The following TENM4 variants were observed in gnomAD, a reference collection of about 807,000 sequenced individuals.
TENM4 encodes the protein teneurin transmembrane protein 4, also known as teneurin-4.
TENM4 carries 82 observed loss-of-function variants against 243.3 expected under a neutral mutation model. The ratio of observed to expected loss-of-function variants is 0.34; its 90% CI spans 0.28 to 0.40. The LOEUF (loss-of-function observed/expected upper bound fraction) is 0.40, where lower values mean the gene tolerates loss of function less well. Among genes scored for constraint, TENM4 ranks in the 10% least tolerant of loss-of-function variants. The pLI is 1.00. For missense variants in TENM4, 3,138 were observed against 3,673.3 expected (o/e 0.85, Z 3.77); for synonymous variants, 1,412 against 1,456.3 (o/e 0.97, Z 0.69).
At chr11:79,292,693 A>C (rs565905714) in intron 2 of TENM4, among the ~76,000 whole-genome samples, 60 of 152,186 alleles carry the variant, frequency 3.9e-4, no homozygotes, top group Non-Finnish European at 7.5e-4. Context: ...ATTAAGCACC[A>C]AGCTTTCATG....
At chr11:78,715,545 T>G (rs1044691616) in intron 25 of TENM4, among the ~76,000 whole-genome samples, 5 of 152,108 alleles carry the variant, frequency 3.3e-5, no homozygotes, top group African/African-American at 1.2e-4. Flanking sequence ...GGCAGGATTA[T>G]CCCAGAGTCC....
At chr11:79,376,859 G>GCC (rs1857902624) in intron 1 of TENM4, among the ~76,000 whole-genome samples, 1 of 152,164 alleles carries the variant, frequency 6.6e-6, no homozygotes, top group Non-Finnish European at 1.5e-5. Flanking sequence ...TCTCTATGCA[G>GCC]CCCCTAGTGC....
chr11:79,259,394 G>GA (rs1325113861), intron 2 of TENM4, among the ~76,000 whole-genome samples: 1 of 151,950 alleles, frequency 6.6e-6, no homozygotes, highest in Non-Finnish European at 1.5e-5. Context: ...ATACATCAAT[G>GA]AAAAAAATAT....
At chr11:79,374,593 T>C (rs1857853921) in intron 1 of TENM4, among the ~76,000 whole-genome samples, 1 of 151,920 alleles carries the variant, frequency 6.6e-6, no homozygotes, top group Admixed American at 6.6e-5. Flanking sequence ...CCTTGGATTA[T>C]ATCCTGAAGA....
At chr11:79,306,942 C>T (rs1489320965) in intron 1 of TENM4, among the ~76,000 whole-genome samples, 3 of 152,170 alleles carry the variant, frequency 2.0e-5, no homozygotes, top group African/African-American at 7.2e-5. Context: ...CTGCCATAGT[C>T]GTGGACTCCA....
intron 3 of TENM4, among the ~76,000 whole-genome samples, chr11:79,166,688 T>C (rs763459778): frequency 6.6e-6 from 1 of 152,198 alleles, no homozygotes; most frequent in East Asian, 1.9e-4. Flanking sequence ...CTGCATTCAG[T>C]CGGTCTAGCT....
intron 16 of TENM4, among the ~76,000 whole-genome samples, chr11:78,782,314 T>A (rs535992970): frequency 9.3e-4 from 141 of 151,492 alleles, no homozygotes; most frequent in African/African-American, 3.1e-3. Flanking sequence ...ATACAAAAAT[T>A]AGGCCAGGCG....
chr11:78,997,518 A>G (rs1858205702), intron 6 of TENM4, among the ~76,000 whole-genome samples: 1 of 152,216 alleles, frequency 6.6e-6, no homozygotes, highest in South Asian at 2.1e-4. Context: ...AGCTACCCAC[A>G]TGCAAAGCAC....
chr11:79,395,314 C>T (rs1858320328), intron 1 of TENM4, among the ~76,000 whole-genome samples: 1 of 152,204 alleles, frequency 6.6e-6, no homozygotes, highest in Admixed American at 6.5e-5. Flanking sequence ...AAAATTGACA[C>T]ATCAGGTGAT....
chr11:79,309,458 C>T (rs1856682511), intron 1 of TENM4, among the ~76,000 whole-genome samples: 1 of 152,220 alleles, frequency 6.6e-6, no homozygotes, highest in African/African-American at 2.4e-5. Context: ...GTTAGCTACA[C>T]ATTTGTGCTC....
intron 4 of TENM4, among the ~76,000 whole-genome samples, chr11:79,129,191 G>A (rs1861945486): frequency 6.6e-6 from 1 of 152,196 alleles, no homozygotes; most frequent in African/African-American, 2.4e-5. Flanking sequence ...TACAGGGGTA[G>A]AGGAAGCAGC....
At chr11:79,238,793 G>A (rs1864530947) in intron 2 of TENM4, among the ~76,000 whole-genome samples, 3 of 152,170 alleles carry the variant, frequency 2.0e-5, no homozygotes, top group Non-Finnish European at 4.4e-5. Context: ...GTGACGCTGA[G>A]GTGGGTGGAT....
intron 2 of TENM4, among the ~76,000 whole-genome samples, chr11:79,296,386 C>T (rs1017463152): frequency 7.9e-5 from 12 of 152,220 alleles, no homozygotes; most frequent in African/African-American, 2.9e-4. Context: ...AAATCCCAGC[C>T]ACTTGGTAGA....
At chr11:79,007,295 G>C (rs1197630600) in intron 6 of TENM4, among the ~76,000 whole-genome samples, 1 of 152,140 alleles carries the variant, frequency 6.6e-6, no homozygotes, top group Admixed American at 6.5e-5. Flanking sequence ...TAGAAAGAGT[G>C]GGGGCTGGAG....
Position 79,318,604 on chromosome 11 carries a change from T to C in TENM4, c.-320-21061A>G, listed in dbSNP as rs190546059. Among the ~76,000 whole-genome samples, 361 of 152,316 alleles carry C rather than the reference T, an allele frequency of 2.4e-3. 3 individuals carry two copies. The highest frequency in any genetic ancestry group is 0.02 in the Middle Eastern group (6 of 294). On this transcript the variant is annotated intron_variant, in intron 1 of 33. Transcript: ENST00000278550. ...AAGAGATGAGTGATAACAGCCATCA[T>C]ATAGCATTTCCACCTATTTACCTGT...
chr11:79,441,025 A>T lies in TENM4; in HGVS notation c.-837T>A, dbSNP rs946134392. 10 of 153,098 alleles carry T rather than the reference A, an allele frequency of 6.5e-5. No homozygotes were observed. The highest frequency in any genetic ancestry group is 3.3e-4 in the Admixed American group (5 of 15,270). 9.5% of individuals were successfully genotyped at this position (153,098 alleles called of 1,614,324 possible). On this transcript the variant is annotated 5_prime_UTR_variant, in exon 1 of 34. The change abolishes an upstream ATG in the 5' untranslated region. Transcript: ENST00000278550. ...ACACGCACACGCACACGCAGGTTAC[A>T]TGAATGGGAGGCGGTAGCCAATCCT...
chr11:79,046,537 A>T (rs1859664759), intron 6 of TENM4, among the ~76,000 whole-genome samples: 1 of 152,194 alleles, frequency 6.6e-6, no homozygotes, highest in Admixed American at 6.5e-5. Flanking sequence ...AGATGTAATT[A>T]GTTAAGATGA....
chr11:79,295,693 T>C (rs1856438110), intron 2 of TENM4, among the ~76,000 whole-genome samples: 1 of 151,980 alleles, frequency 6.6e-6, no homozygotes. Flanking sequence ...GAGAGACCAA[T>C]ATGAATAGCA....
intron 1 of TENM4, among the ~76,000 whole-genome samples, chr11:79,432,718 C>G (rs866991261): frequency 6.6e-6 from 1 of 152,146 alleles, no homozygotes; most frequent in South Asian, 2.1e-4. Context: ...TTACATGTCT[C>G]GATCCACTTT....
Sources: gnomAD v4.1 joint callset for allele counts (sites outside exome capture counted in the v4.1 genomes callset) on GRCh38, gnomAD v4.1.1 for gene constraint, MANE v1.5 for transcripts, NCBI Gene and HGNC (gene_info 2026-07-23, HGNC 2026-07-21) for gene names.